ANKHD1: variants seen among roughly 807,000 people sequenced by gnomAD.
ANKHD1 encodes the protein ankyrin repeat and KH domain containing 1.
ANKHD1 carries 31 observed loss-of-function variants against 230.5 expected under a neutral mutation model. The observed-to-expected ratio is 0.13, with a 90% CI of 0.10 to 0.18. The LOEUF (loss-of-function observed/expected upper bound fraction) is 0.18. ANKHD1 is among the 10% of genes least tolerant of loss of function. ANKHD1 has a pLI of 1.00. For missense variants in ANKHD1, 2,256 were observed against 3,071.3 expected (o/e 0.73, Z 6.27); for synonymous variants, 1,074 against 1,117.6 (o/e 0.96, Z 0.78).
intron 24 of ANKHD1, among the ~76,000 whole-genome samples, chr5:140,516,800 G>A (rs544116294): frequency 1.4e-4 from 21 of 151,840 alleles, no homozygotes; most frequent in Non-Finnish European, 2.9e-4. Context: ...CACTAAACAT[G>A]GAAAGGAACA....
chr5:140,403,056 G>A (rs1331332180), intron 1 of ANKHD1, among the ~76,000 whole-genome samples: 1 of 129,484 alleles, frequency 7.7e-6, no homozygotes, highest in Non-Finnish European at 1.6e-5. Context: ...TGCAACCTCC[G>A]CCTCCCGGGT....
At chr5:140,503,726 C>G (rs904985122) in intron 15 of ANKHD1, among the ~76,000 whole-genome samples, 1 of 151,648 alleles carries the variant, frequency 6.6e-6, no homozygotes, top group Non-Finnish European at 1.5e-5. Context: ...TTCCACCACT[C>G]CCAGCTAACT....
chr5:140,465,710 GTTAT>G (rs1776034529), intron 10 of ANKHD1, among the ~76,000 whole-genome samples: 1 of 152,130 alleles, frequency 6.6e-6, no homozygotes, highest in South Asian at 2.1e-4. Flanking sequence ...TAGTATGATT[GTTAT>G]TTATTATCAT....
chr5:140,506,558 AAC>A lies in ANKHD1; in HGVS notation c.3409-273_3409-272del, dbSNP rs1752544231. Among the ~76,000 whole-genome samples, 1 of 152,264 alleles carries A rather than the reference AAC, an allele frequency of 6.6e-6. No homozygotes were observed. Among genetic ancestry groups the A allele is most frequent in the Non-Finnish European group, 1.5e-5 (1 of 68,046 alleles). On this transcript the variant is annotated intron_variant, in intron 18 of 33. Coordinates refer to ENST00000360839, the MANE Select transcript of ANKHD1 (RefSeq NM_017747.3). This position sits in a 1 kb window ranked among gnomAD's most constrained non-coding sequence, Gnocchi z 4.7. Reference sequence around the variant, plus strand: ...TTCGGATTGAATGAATCACAATTCTAACACATATGAAGTGCAAATTTATTGCC... The same window carrying A: ...TTCGGATTGAATGAATCACAATTCTAACATATGAAGTGCAAATTTATTGCC...
At chr5:140,491,998 A>G (rs1835962) in intron 14 of ANKHD1, among the ~76,000 whole-genome samples, 150,657 of 152,306 alleles carry the variant, frequency 0.99, 74,522 homozygotes, top group Middle Eastern at 1. Context: ...AGAATGGTGG[A>G]AACGAGATTG....
chr5:140,525,103 C>CA (rs914104457), intron 25 of ANKHD1, among the ~76,000 whole-genome samples: 16 of 147,190 alleles, frequency 1.1e-4, no homozygotes, highest in African/African-American at 4.0e-4. Flanking sequence ...GTGACAGGAG[C>CA]AAAACTCTGT....
Position 140,506,797 on chromosome 5 carries a change from G to C in ANKHD1, c.3409-38G>C. 3 of 1,609,784 alleles carry C rather than the reference G, an allele frequency of 1.9e-6. No individual in the cohort carries two copies. Among genetic ancestry groups the C allele is most frequent in the Non-Finnish European group, 1.7e-6 (2 of 1,178,988 alleles). Reference sequence around the variant, plus strand: ...TCCTTCATTATAAGTTGAGCCCTTGGTGTAAACTCTCTTCTCTATCCATAT... The same window carrying C: ...TCCTTCATTATAAGTTGAGCCCTTGCTGTAAACTCTCTTCTCTATCCATAT... On this transcript the variant is annotated intron_variant, in intron 18 of 33. Coordinates refer to ENST00000360839, the MANE Select transcript of ANKHD1 (RefSeq NM_017747.3). This position sits in a 1 kb window ranked among gnomAD's most constrained non-coding sequence, Gnocchi z 4.7.
chr5:140,496,461 C>CTTTTTTTTTTTTTTTTTTTTTTTTTT (rs770445733), intron 14 of ANKHD1, 59 bp from the exon 15 acceptor site: 1 of 484,878 alleles, frequency 2.1e-6, no homozygotes, highest in Non-Finnish European at 2.6e-6. Flanking sequence ...TTTTTCTTTT[C>CTTTTTTTTTTTTTTTTTTTTTTTTTT]TTTTTTTTTT....
chr5:140,527,940 A>T lies in ANKHD1; in HGVS notation c.5155A>T (p.Thr1719Ser), dbSNP rs1350578887. ...AATGGGAAGAGGAGGATGCAACATCACTGCAATACAGGATGTTACTGGTGC... is the reference window on the plus strand; with the variant it reads ...AATGGGAAGAGGAGGATGCAACATCTCTGCAATACAGGATGTTACTGGTGC... ...RIMGRGGCNI[T>S]AIQDVTGAHI... The change falls in exon 28 of 34, where the codon ACT becomes TCT. Residue 1719 changes from threonine (T) to serine (S), a missense_variant. Around this residue, in one of 13 missense-constraint regions of ANKHD1, gnomAD observed 23 missense variants for 59.9 expected, o/e 0.38. Coordinates refer to ENST00000360839, the MANE Select transcript of ANKHD1 (RefSeq NM_017747.3). The surrounding 1 kb of genome is among the most constrained non-coding windows in gnomAD (Gnocchi z 4.5). The T allele has an allele frequency of 6.2e-7, 1 of 1,613,984 alleles. No homozygotes were observed.
At chr5:140,481,784 CGTGTTTGCATATATAAT>C (rs1038878042) in intron 10 of ANKHD1, among the ~76,000 whole-genome samples, 24 of 151,818 alleles carry the variant, frequency 1.6e-4, no homozygotes, top group African/African-American at 5.6e-4. Flanking sequence ...AACAGAAATT[CGTGTTTGCATATATAAT>C]GAAAGAGGGG....
At chr5:140,504,762 A>G (rs1752475401) in intron 15 of ANKHD1, 59 bp from the exon 16 acceptor site, 17 of 1,560,812 alleles carry the variant, frequency 1.1e-5, no homozygotes, top group Admixed American at 4.1e-5. Context: ...GTGTTTTTCT[A>G]TGTACAAATA....
chr5:140,450,924 G>C (rs1429928970), intron 7 of ANKHD1, among the ~76,000 whole-genome samples: 1 of 151,992 alleles, frequency 6.6e-6, no homozygotes, highest in East Asian at 1.9e-4. Flanking sequence ...AGGCTGAGGC[G>C]GGTGGATCAC....
chr5:140,474,965 C>T (rs1412093660), intron 10 of ANKHD1, among the ~76,000 whole-genome samples: 3 of 151,962 alleles, frequency 2.0e-5, no homozygotes, highest in South Asian at 2.1e-4. Context: ...TAAGGAATAG[C>T]GTATATACAT....
chr5:140,461,241 G>A (rs1250655056), intron 9 of ANKHD1, among the ~76,000 whole-genome samples: 1 of 152,180 alleles, frequency 6.6e-6, no homozygotes, highest in Non-Finnish European at 1.5e-5. Flanking sequence ...AGGTAACCAA[G>A]CTAATAGGGA....
At chr5:140,481,337 C>T (rs1253348167) in intron 10 of ANKHD1, among the ~76,000 whole-genome samples, 2 of 151,924 alleles carry the variant, frequency 1.3e-5, no homozygotes, top group Non-Finnish European at 2.9e-5. Flanking sequence ...TATTCTAAAG[C>T]CAAATTATTT....
intron 1 of ANKHD1, among the ~76,000 whole-genome samples, chr5:140,429,842 CTG>C (rs1359996070): frequency 6.6e-6 from 1 of 152,140 alleles, no homozygotes; most frequent in African/African-American, 2.4e-5. Flanking sequence ...TACATAGAAA[CTG>C]TTTTAATGTG....
In ANKHD1 at chr5:140,449,224, G is replaced by A. The variant is rs1191885062; in HGVS notation, c.1161G>A (p.Met387Ile). 1.2e-6 allele frequency: 2 copies of A among 1,611,934 alleles called. No homozygotes were observed. The highest frequency in any genetic ancestry group is 1.7e-6 in the Non-Finnish European group (2 of 1,178,696). ...CCTTTTTTCAAGGCCATTTGGATAT[G>A]GTTCGCTTTCTACTTGAAGCTGGTG... ...TLACYKGHLD[M>I]VRFLLEAGAD... Residue 387 changes from methionine (M) to isoleucine (I), a missense_variant, in exon 7 of 34, where the codon ATG (methionine) becomes ATA (isoleucine). By Grantham distance (10) the Met-to-Ile change is conservative. Coordinates refer to ENST00000360839, the MANE Select transcript of ANKHD1 (RefSeq NM_017747.3).
intron 7 of ANKHD1, 88 bp from the exon 8 acceptor site, chr5:140,458,537 C>G: frequency 2.2e-6 from 3 of 1,373,088 alleles, no homozygotes; most frequent in Non-Finnish European, 3.0e-6. Context: ...CTTCCTTTTT[C>G]CAATCTCTTG....
chr5:140,463,176 C>A (rs1163966494), intron 9 of ANKHD1, among the ~76,000 whole-genome samples: 1 of 152,038 alleles, frequency 6.6e-6, no homozygotes, highest in Non-Finnish European at 1.5e-5. Context: ...ATTTGAACAT[C>A]ATTTTGAACT....
Sources: allele counts gnomAD v4.1 joint callset (sites outside exome capture counted in the v4.1 genomes callset), GRCh38; gene constraint gnomAD v4.1.1; regional missense constraint gnomAD v4.1.1; non-coding constraint Gnocchi (gnomAD v3.1); transcripts MANE v1.5; gene names NCBI Gene and HGNC (gene_info 2026-07-23, HGNC 2026-07-21).